Variants in CAP2 observed in about 807,000 individuals in gnomAD.
CAP2 encodes adenylyl cyclase-associated protein 2.
CAP2 carries 24 observed loss-of-function variants against 57.7 expected under a neutral mutation model. The ratio of observed to expected loss-of-function variants is 0.42; its 90% CI spans 0.30 to 0.58. CAP2 has a LOEUF of 0.58. Among genes scored for constraint, CAP2 ranks in the 20% least tolerant of loss-of-function variants. The pLI, the probability that CAP2 is intolerant of heterozygous loss-of-function variation, is 0.22. For missense variants in CAP2, 501 were observed against 590.3 expected (o/e 0.85, Z 1.57); for synonymous variants, 194 against 207.2 (o/e 0.94, Z 0.55).
At chr6:17,453,901 CTTTT>C (rs11339880) in intron 3 of CAP2, among the ~76,000 whole-genome samples, 4 of 114,962 alleles carry the variant, frequency 3.5e-5, no homozygotes, top group Non-Finnish European at 6.7e-5. Context: ...TCTTTTTATT[CTTTT>C]TTTTTTTTTT....
At chr6:17,470,952 C>T (rs1761001622) in intron 4 of CAP2, among the ~76,000 whole-genome samples, 1 of 152,170 alleles carries the variant, frequency 6.6e-6, no homozygotes, top group Non-Finnish European at 1.5e-5. Context: ...ATAGATGTAT[C>T]TATGTATGTA....
chr6:17,432,719 C>CCTTGCTTG (rs35029222), intron 3 of CAP2, among the ~76,000 whole-genome samples: 19 of 151,152 alleles, frequency 1.3e-4, no homozygotes, highest in Admixed American at 1.1e-3. Flanking sequence ...CCCTCCACCC[C>CCTTGCTTG]CTTGCTTGCT....
At chr6:17,423,212 A>G (rs934597256) in intron 2 of CAP2, among the ~76,000 whole-genome samples, 4 of 152,218 alleles carry the variant, frequency 2.6e-5, no homozygotes, top group African/African-American at 9.7e-5. Context: ...CCGTGCCTGT[A>G]TTACATACCA....
At chr6:17,449,410 A>T (rs760142993) in intron 3 of CAP2, among the ~76,000 whole-genome samples, 24 of 151,594 alleles carry the variant, frequency 1.6e-4, no homozygotes, top group African/African-American at 5.8e-4. Flanking sequence ...TTTTATTATT[A>T]TTATTTTTTT....
At chr6:17,404,432 C>T (rs946003590) in intron 1 of CAP2, among the ~76,000 whole-genome samples, 13 of 152,116 alleles carry the variant, frequency 8.5e-5, no homozygotes, top group Admixed American at 2.0e-4. Context: ...GGTGAAACCC[C>T]GTCTCTACTG....
chr6:17,539,204 C>A, intron 7 of CAP2, 65 bp from the exon 8 acceptor site: 1 of 1,487,928 alleles, frequency 6.7e-7, no homozygotes. Flanking sequence ...TCGACTCTCT[C>A]GGGCAAAATC....
chr6:17,434,591 C>T (rs143009871), intron 3 of CAP2, among the ~76,000 whole-genome samples: 3 of 152,330 alleles, frequency 2.0e-5, no homozygotes, highest in Non-Finnish European at 2.9e-5. Flanking sequence ...AAAAGCACCA[C>T]GTGTACTTTG....
At chr6:17,453,919 T>TTTC (rs1561789295) in intron 3 of CAP2, among the ~76,000 whole-genome samples, 4 of 124,956 alleles carry the variant, frequency 3.2e-5, no homozygotes, top group African/African-American at 8.4e-5. Flanking sequence ...TTTTTTTTTT[T>TTTC]CCTTGCCCAG....
chr6:17,556,559 G>A lies in CAP2; in HGVS notation c.*117G>A. On this transcript the variant is annotated 3_prime_UTR_variant, in exon 13 of 13. Coordinates refer to ENST00000229922, the MANE Select transcript of CAP2 (RefSeq NM_006366.3). ...TACTGCTTTAGCTTTGGCCTCCAAC[G>A]ATTCTGTGCTATAGATACAGCACTG... 9 of 744,764 alleles carry A rather than the reference G, an allele frequency of 1.2e-5. No homozygotes were observed. Among genetic ancestry groups the A allele is most frequent in the Non-Finnish European group, 1.7e-5 (7 of 410,954 alleles). 46.1% of individuals were successfully genotyped at this position (744,764 alleles called of 1,614,324 possible).
chr6:17,430,267 A>T lies in CAP2; in HGVS notation c.222+3577A>T, dbSNP rs147979762. Among the ~76,000 whole-genome samples, 16 of 152,346 alleles carry T rather than the reference A, an allele frequency of 1.1e-4. No individual in the cohort carries two copies. The East Asian group carries it at 3.1e-3, about 29-fold the overall frequency. ...TAAGAGCATAACAGGTTTAGAAAAGATTAGAACTTGTAAAGCCTTCTTGTG... is the reference window on the plus strand; with the variant it reads ...TAAGAGCATAACAGGTTTAGAAAAGTTTAGAACTTGTAAAGCCTTCTTGTG... On this transcript the variant is annotated intron_variant, in intron 3 of 12. Coordinates refer to ENST00000229922, the MANE Select transcript of CAP2 (RefSeq NM_006366.3).
chr6:17,484,327 G>A (rs898512073), intron 4 of CAP2, among the ~76,000 whole-genome samples: 38 of 152,128 alleles, frequency 2.5e-4, no homozygotes, highest in Admixed American at 2.2e-3. Context: ...CCCTTCTCAC[G>A]CAAGGCCTTG....
intron 3 of CAP2, among the ~76,000 whole-genome samples, chr6:17,456,721 A>G (rs1371431968): frequency 6.6e-6 from 1 of 152,102 alleles, no homozygotes; most frequent in African/African-American, 2.4e-5. Context: ...GGTTCTCAAG[A>G]AGAGGGCTGA....
At chr6:17,463,548 T>C (rs1324066000) in intron 4 of CAP2, among the ~76,000 whole-genome samples, 1 of 152,232 alleles carries the variant, frequency 6.6e-6, no homozygotes, top group Admixed American at 6.5e-5. Context: ...TGTATGGATT[T>C]TATTAGCTCC....
chr6:17,479,594 G>C (rs112301434), intron 4 of CAP2, among the ~76,000 whole-genome samples: 2,050 of 149,504 alleles, frequency 0.014, 47 homozygotes, highest in African/African-American at 0.047. Flanking sequence ...AAGAGAAAAA[G>C]ATCTGCTTTT....
At chr6:17,458,512 C>T (rs1443949112) in intron 3 of CAP2, among the ~76,000 whole-genome samples, 1 of 152,134 alleles carries the variant, frequency 6.6e-6, no homozygotes, top group East Asian at 1.9e-4. Context: ...GGTGTTCGTT[C>T]ATTTCATTTA....
chr6:17,490,861 C>T (rs1037725944), intron 4 of CAP2, among the ~76,000 whole-genome samples: 9 of 152,292 alleles, frequency 5.9e-5, no homozygotes, highest in Admixed American at 2.6e-4. Flanking sequence ...AGGATCATGG[C>T]GCCTTAACAG....
chr6:17,459,542 A>G (rs1173268371), intron 3 of CAP2, among the ~76,000 whole-genome samples: 1 of 152,236 alleles, frequency 6.6e-6, no homozygotes, highest in Non-Finnish European at 1.5e-5. Flanking sequence ...CTTGAAGAAA[A>G]TAGTATTTAA....
chr6:17,412,394 G>A (rs138033620), intron 1 of CAP2, among the ~76,000 whole-genome samples: 1,743 of 152,276 alleles, frequency 0.011, 17 homozygotes, highest in Non-Finnish European at 0.014. Flanking sequence ...GAATGAGTTC[G>A]TATATTGGAA....
At chr6:17,503,934 G>A (rs1426671520) in intron 4 of CAP2, among the ~76,000 whole-genome samples, 1 of 152,186 alleles carries the variant, frequency 6.6e-6, no homozygotes, top group Non-Finnish European at 1.5e-5. Context: ...GAGCTGACTA[G>A]CTTCTGCAGC....
Sources: allele counts gnomAD v4.1 joint callset (sites outside exome capture counted in the v4.1 genomes callset), GRCh38; gene constraint gnomAD v4.1.1; transcripts MANE v1.5; gene names NCBI Gene and HGNC (gene_info 2026-07-23, HGNC 2026-07-21).